DEPDC5: variants seen among roughly 807,000 people sequenced by gnomAD.
The protein encoded by DEPDC5 is GATOR1 complex protein DEPDC5.
DEPDC5 carries 73 observed loss-of-function variants against 217.3 expected under a neutral mutation model. The observed-to-expected ratio is 0.34, with a 90% CI of 0.28 to 0.41. The LOEUF is 0.41. DEPDC5 is among the 10% of genes least tolerant of loss of function. The probability of loss-of-function intolerance (pLI) is 1.00; values close to 1 mark genes in which losing one functional copy is unlikely to be tolerated. For missense variants in DEPDC5, 1,675 were observed against 2,070.1 expected (o/e 0.81, Z 3.70); for synonymous variants, 733 against 756.7 (o/e 0.97, Z 0.51).
Position 31,797,583 on chromosome 22 carries a change from G to A in DEPDC5, c.768-17G>A, listed in dbSNP as rs372671427. 1.9e-6 allele frequency: 3 copies of A among 1,596,640 alleles called. No individual in the cohort carries two copies. Among genetic ancestry groups the A allele is most frequent in the Non-Finnish European group, 2.6e-6 (3 of 1,164,146 alleles). ...ATCAGCTGCTCAATATCCATTTTAT[G>A]ATAATACTCTTTTCAGAGTGGTGGT... On this transcript the variant is annotated splice_polypyrimidine_tract_variant and intron_variant, in intron 12 of 42. Transcript: ENST00000651528.
intron 7 of DEPDC5, chr22:31,769,387 A>G (rs918586063): frequency 1.3e-4 from 19 of 142,098 alleles, no homozygotes; most frequent in African/African-American, 4.0e-4. Flanking sequence ...AAGGAAGTAG[A>G]AAAAAAAAAG....
chr22:31,782,920 T>C (rs1370007690), intron 8 of DEPDC5, among the ~76,000 whole-genome samples: 1 of 152,204 alleles, frequency 6.6e-6, no homozygotes, highest in East Asian at 1.9e-4. Context: ...CGGATGAAGT[T>C]TGCTTTTAGA....
chr22:31,817,235 G>A lies in DEPDC5; in HGVS notation c.1667-1787G>A, dbSNP rs536917410. On this transcript the variant is annotated intron_variant, in intron 21 of 42. Transcript: ENST00000651528. ...AGCAATTCTCTTGCCTCAGCCTCCC[G>A]AGTAGCTGTGATCACAGGTGCCTGC... 528 of 170,646 alleles carry A rather than the reference G, an allele frequency of 3.1e-3. 2 individuals are homozygous for A. The highest frequency in any genetic ancestry group is 0.012 in the African/African-American group (501 of 41,630). 10.6% of individuals were successfully genotyped at this position (170,646 alleles called of 1,614,324 possible). A position where few individuals can be genotyped will look rare whatever the true frequency, so the allele number is the denominator to read the frequency against.
intron 7 of DEPDC5, among the ~76,000 whole-genome samples, chr22:31,774,413 G>C (rs954897849): frequency 6.6e-6 from 1 of 151,466 alleles, no homozygotes; most frequent in African/African-American, 2.4e-5. Context: ...TTTTCAGGCT[G>C]GTCTTGAACT....
chr22:31,768,830 A>G lies in DEPDC5; in HGVS notation c.380A>G (p.Tyr127Cys), dbSNP rs370881336. Residue 127 changes from tyrosine (Y) to cysteine (C), a missense_variant, in exon 7 of 43, where the codon TAT becomes TGT. By Grantham distance (194) the Tyr-to-Cys change is radical (BLOSUM62 -2). Around this residue, in one of 11 missense-constraint regions of DEPDC5, gnomAD observed 628 missense variants for 762.1 expected, o/e 0.82. Coordinates refer to ENST00000651528, the MANE Select transcript of DEPDC5 (RefSeq NM_001242896.3). The stretch of plus-strand genomic sequence containing the variant: ...TCCTCTTAGGTCAGCACATGTGCCT[A>G]TATCACCCAGAAGGTGGAGTTTGCT... Reference protein sequence around the residue: ...LKKSLVSTCAYITQKVEFAGI... With the variant: ...LKKSLVSTCACITQKVEFAGI... The G allele has an allele frequency of 3.4e-5, 55 of 1,613,462 alleles. No individual in the cohort carries two copies. Among genetic ancestry groups the G allele is most frequent in the South Asian group, 2.2e-4 (20 of 91,000 alleles).
intron 21 of DEPDC5, among the ~76,000 whole-genome samples, chr22:31,818,037 T>C (rs749246432): frequency 3.9e-5 from 6 of 152,116 alleles, no homozygotes; most frequent in Non-Finnish European, 5.9e-5. Flanking sequence ...ACAAATTCCT[T>C]GGAGTTTGCA....
At chr22:31,876,034 T>G in intron 36 of DEPDC5, 123 bp from the exon 37 acceptor site, 1 of 689,008 alleles carries the variant, frequency 1.5e-6, no homozygotes, top group Non-Finnish European at 2.5e-6. Flanking sequence ...ATGTCTAATC[T>G]GGGGGTGGAG....
intron 40 of DEPDC5, among the ~76,000 whole-genome samples, chr22:31,900,505 G>A (rs1354612882): frequency 1.3e-5 from 2 of 151,928 alleles, no homozygotes; most frequent in Non-Finnish European, 2.9e-5. Flanking sequence ...TTGGGAGGCC[G>A]AGGCAGGCAG....
At chr22:31,855,743 T>C (rs969167286) in intron 31 of DEPDC5, among the ~76,000 whole-genome samples, 1 of 152,110 alleles carries the variant, frequency 6.6e-6, no homozygotes, top group African/African-American at 2.4e-5. Flanking sequence ...TCTAATGATA[T>C]AATTTTGGTA....
chr22:31,834,776 G>T (rs991043357), intron 25 of DEPDC5, among the ~76,000 whole-genome samples: 1 of 151,994 alleles, frequency 6.6e-6, no homozygotes, highest in African/African-American at 2.4e-5. Context: ...TGATCCGCCC[G>T]CCTTGGCCTC....
intron 21 of DEPDC5, 21 bp from the exon 22 acceptor site, chr22:31,819,001 C>G: frequency 6.2e-7 from 1 of 1,613,720 alleles, no homozygotes; most frequent in Non-Finnish European, 8.5e-7. Flanking sequence ...CTTTGTGACT[C>G]AACTCCATGA....
Position 31,758,654 on chromosome 22 carries a change from A to G in DEPDC5, c.146+21A>G, listed in dbSNP as rs765274087. The G allele has an allele frequency of 3.7e-6, 6 of 1,606,358 alleles. No individual in the cohort carries two copies. The South Asian group carries it at 5.5e-5, about 15-fold the overall frequency. Reference sequence around the variant, plus strand: ...TACAGGTGAGTGTCTCATAGGATCCATGGAACTGGGCAATTCACTGTTTCC... The same window carrying G: ...TACAGGTGAGTGTCTCATAGGATCCGTGGAACTGGGCAATTCACTGTTTCC... On this transcript the variant is annotated intron_variant, in intron 3 of 42. Coordinates refer to ENST00000651528, the MANE Select transcript of DEPDC5 (RefSeq NM_001242896.3).
At chr22:31,846,687 A>C (rs890278995) in intron 30 of DEPDC5, 147 bp from the exon 31 acceptor site, 1 of 1,126,638 alleles carries the variant, frequency 8.9e-7, no homozygotes, top group Non-Finnish European at 1.3e-6. Flanking sequence ...GTTTTCTGTC[A>C]CTTACTGAAC....
In DEPDC5 at chr22:31,802,751, A is replaced by T. The variant is rs763154977; in HGVS notation, c.994A>T (p.Met332Leu). The stretch of plus-strand genomic sequence containing the variant: ...CCGCAACTTTGACCGAACTGGGCAG[A>T]TGTCAGTGGTGATCACGCCCGGGGT... ...INRNFDRTGQ[M>L]SVVITPGVGV... Residue 332 changes from methionine (M) to leucine (L), a missense_variant, in exon 15 of 43, where the codon ATG becomes TTG. Around this residue, in one of 11 missense-constraint regions of DEPDC5, gnomAD observed 628 missense variants for 762.1 expected, o/e 0.82. Coordinates refer to ENST00000651528, the MANE Select transcript of DEPDC5 (RefSeq NM_001242896.3). 6.2e-7 allele frequency: 1 copy of T among 1,604,848 alleles called. No individual in the cohort carries two copies. The highest frequency in any genetic ancestry group is 2.3e-5 in the East Asian group (1 of 44,258).
intron 10 of DEPDC5, among the ~76,000 whole-genome samples, chr22:31,789,615 C>T (rs149775069): frequency 3.3e-5 from 5 of 152,130 alleles, no homozygotes; most frequent in African/African-American, 7.2e-5. Flanking sequence ...TGTATTTTGC[C>T]ACAATTAAAA....
At chr22:31,830,395 C>T (rs1375361327) in intron 24 of DEPDC5, among the ~76,000 whole-genome samples, 3 of 152,240 alleles carry the variant, frequency 2.0e-5, no homozygotes, top group Non-Finnish European at 4.4e-5. Flanking sequence ...GCTGGCTGAC[C>T]ATGAGGTTTC....
At position 31,906,279 on chromosome 22, in the gene DEPDC5, A is replaced by G. The variant is rs752046892; in HGVS notation, c.4594A>G (p.Ser1532Gly). Residue 1532 changes from serine (S) to glycine (G), a missense_variant, in exon 43 of 43, where the codon AGC (serine) becomes GGC (glycine). This residue lies in a region of DEPDC5 where 42 missense variants were observed against 27.7 expected (regional missense o/e 1.51). Transcript: ENST00000651528. This position sits in a 1 kb window ranked among gnomAD's most constrained non-coding sequence, Gnocchi z 5.1. Reference protein sequence around the residue: ...GQQRRRRNSTSSTNQNMFCEE... With the variant: ...GQQRRRRNSTGSTNQNMFCEE... ...GCAGCGGCGGCGGCGGAACTCCACC[A>G]GCTCCACCAACCAGAACATGTTCTG... The G allele has an allele frequency of 6.8e-6, 11 of 1,613,794 alleles. No individual in the cohort carries two copies. The highest frequency in any genetic ancestry group is 1.3e-5 in the African/African-American group (1 of 74,948).
chr22:31,874,352 G>A lies in DEPDC5; in HGVS notation c.3643G>A (p.Val1215Met), dbSNP rs201603222. 2.4e-4 allele frequency: 391 copies of A among 1,611,832 alleles called. No individual in the cohort carries two copies. The highest frequency in any genetic ancestry group is 1.4e-4 in the Non-Finnish European group (163 of 1,179,138). Residue 1215 changes from valine to methionine, a missense_variant, in exon 36 of 43, where the codon GTG (valine) becomes ATG (methionine). Val to Met is a conservative substitution (Grantham distance 21, BLOSUM62 1). Coordinates refer to ENST00000651528, the MANE Select transcript of DEPDC5 (RefSeq NM_001242896.3). ...FISAEVVHWLVNHVEGIQTQA... is the reference protein window; with the variant it reads ...FISAEVVHWLMNHVEGIQTQA... ...CAGCGCGGAGGTGGTACACTGGTTGGTGAACCACGTGGAGGGGATCCAGAC... is the reference window on the plus strand; with the variant it reads ...CAGCGCGGAGGTGGTACACTGGTTGATGAACCACGTGGAGGGGATCCAGAC...
rs1424188711 is a variant in DEPDC5 at position 31,797,651 on chromosome 22, C to T, written c.819C>T (p.Thr273=). The T allele has an allele frequency of 1.9e-6, 3 of 1,613,912 alleles. No individual in the cohort carries two copies. Among genetic ancestry groups the T allele is most frequent in the African/African-American group, 2.7e-5 (2 of 74,900 alleles). The part of the protein sequence containing the change: ...RREEWTSLLV[T]IKKLFIQYPV... ...AAGAATGGACTTCACTTCTCGTAAC[C>T]ATTAAAAAACTCTTCATCCAGTATC... Residue 273 remains threonine (T), a synonymous_variant, in exon 13 of 43, where the codon ACC becomes ACT. Coordinates refer to ENST00000651528, the MANE Select transcript of DEPDC5 (RefSeq NM_001242896.3).
Sources: allele counts gnomAD v4.1 joint callset (sites outside exome capture counted in the v4.1 genomes callset), GRCh38; gene constraint gnomAD v4.1.1; regional missense constraint gnomAD v4.1.1; non-coding constraint Gnocchi (gnomAD v3.1); transcripts MANE v1.5; gene names NCBI Gene and HGNC (gene_info 2026-07-23, HGNC 2026-07-21).